The following SP140 variants were observed in gnomAD, a reference collection of about 807,000 sequenced individuals.
SP140 encodes nuclear body protein SP140.
Under a neutral mutation model 125.0 loss-of-function variants are expected in SP140, and 81 were observed. That is an observed-to-expected ratio of 0.65 (90% CI 0.54 to 0.78). SP140 has a LOEUF of 0.78. Among genes scored for constraint, SP140 ranks in the 30% least tolerant of loss-of-function variants. The pLI, the probability that SP140 is intolerant of heterozygous loss-of-function variation, is 0.00. For synonymous variants in SP140, 312 were observed against 354.0 expected, an observed-to-expected ratio of 0.88 and a Z score of 1.33; for missense variants, 858 against 1,037.0, an observed-to-expected ratio of 0.83 and a Z score of 2.37.
At chr2:230,290,083 G>A (rs1371942459) in intron 18 of SP140, among the ~76,000 whole-genome samples, 2 of 152,050 alleles carry the variant, frequency 1.3e-5, no homozygotes, top group African/African-American at 4.8e-5. Flanking sequence ...TATGATCTCT[G>A]GAGTCATCTA....
Position 230,225,898 on chromosome 2 carries a change from C to G in SP140, c.54C>G (p.Asn18Lys), listed in dbSNP as rs1170111605. The change falls in exon 1 of 27, where the codon AAC becomes AAG. Residue 18 changes from asparagine (N) to lysine (K), a missense_variant. Asn to Lys is a moderately conservative substitution (Grantham distance 94, BLOSUM62 0). Transcript: ENST00000392045. ...TGGCAAGTGGAGACAGCAATCTCAA[C>G]TTCAGGTGGGTCATCGTCTCCTTTC... ...GQMASGDSNL[N>K]FRMVAEIQNV... 6.2e-7 allele frequency: 1 copy of G among 1,613,652 alleles called. No homozygotes were observed. Among genetic ancestry groups the G allele is most frequent in the Admixed American group, 1.7e-5 (1 of 60,006 alleles).
rs553093186 is a variant in SP140, at chr2:230,238,493, G to A, written c.406+112G>A. On this transcript the variant is annotated intron_variant, in intron 3 of 26. Transcript: ENST00000392045. ...ATATTTGACTGAGTGACTATTACAT[G>A]CCAAGCCCAGGGGGAATATAATGAT... is the stretch of plus-strand genomic sequence containing the variant. The A allele has an allele frequency of 3.5e-5, 37 of 1,048,036 alleles. 1 individual carries two copies. The African/African-American group carries it at 5.3e-4, about 15-fold the overall frequency. 64.9% of individuals were successfully genotyped at this position (1,048,036 alleles called of 1,614,324 possible). A position where few individuals can be genotyped will look rare whatever the true frequency, so the allele number is the denominator to read the frequency against.
intron 11 of SP140, among the ~76,000 whole-genome samples, chr2:230,253,835 A>G (rs1575033342): frequency 6.6e-6 from 1 of 152,236 alleles, no homozygotes; most frequent in South Asian, 2.1e-4. Context: ...AATGCTTGCA[A>G]TTGAGAAAAG....
In SP140 at chr2:230,237,273, T is replaced by A; in HGVS notation, c.237+13T>A. 1 of 1,608,272 alleles carries A rather than the reference T, an allele frequency of 6.2e-7. No homozygotes were observed. The highest frequency in any genetic ancestry group is 1.1e-5 in the South Asian group (1 of 90,256). On this transcript the variant is annotated intron_variant, in intron 2 of 26. Coordinates refer to ENST00000392045, the MANE Select transcript of SP140 (RefSeq NM_007237.5). The surrounding 1 kb of genome is among the most constrained non-coding windows in gnomAD (Gnocchi z 5.4). Reference sequence around the variant, plus strand: ...GCAGATGTATGAAGTAAGTAAGAATTTCCAAATGATGATAAACCAGGTCCA... The same window carrying A: ...GCAGATGTATGAAGTAAGTAAGAATATCCAAATGATGATAAACCAGGTCCA...
Position 230,236,126 on chromosome 2 carries a change from C to T in SP140, c.60-957C>T, listed in dbSNP as rs189556738. On this transcript the variant is annotated intron_variant, in intron 1 of 26. Coordinates refer to ENST00000392045, the MANE Select transcript of SP140 (RefSeq NM_007237.5). ...TCCTGACCTTGTGATCCGCCTGTCT[C>T]GGCCTCCCAAAGTGCTGGGATTACA... 3.6e-3 allele frequency among the ~76,000 whole-genome samples: 543 copies of T among 152,254 alleles called. 8 individuals are homozygous for T. The highest frequency in any genetic ancestry group is 0.031 in the Admixed American group (477 of 15,298).
At chr2:230,292,019 T>C (rs953804519) in intron 19 of SP140, among the ~76,000 whole-genome samples, 13 of 152,252 alleles carry the variant, frequency 8.5e-5, no homozygotes, top group Non-Finnish European at 1.5e-4. Flanking sequence ...TAATGGCTAA[T>C]GGTGTTGAGC....
chr2:230,202,610 T>C (rs2043296632), upstream of SP140: 1 of 1,614,212 alleles, frequency 6.2e-7, no homozygotes, highest in African/African-American at 1.3e-5. Context: ...CACATTCAGT[T>C]CTCGCCTTTT....
At chr2:230,238,907 G>A (rs1174420875) in intron 3 of SP140, 1 of 1,550,292 alleles carries the variant, frequency 6.5e-7, no homozygotes, top group Non-Finnish European at 8.7e-7. Flanking sequence ...GTTGGTGGGG[G>A]CCTTTCCGAA....
In SP140 at chr2:230,292,785, G is replaced by C; in HGVS notation, c.1965G>C (p.Met655Ile). The C allele has an allele frequency of 6.2e-7, 1 of 1,614,046 alleles. No individual in the cohort carries two copies. The highest frequency in any genetic ancestry group is 8.5e-7 in the Non-Finnish European group (1 of 1,180,002). ...GCGGGTGGCCCCTACGATGGCTGAT[G>C]GAGGTATTCCAATGACAAGGGGCCA... The part of the protein sequence containing the change: ...RCGGWPLRWL[M>I]ENGFLPDPPR... Residue 655 changes from methionine to isoleucine, a missense_variant, in exon 20 of 27, where the codon ATG (methionine) becomes ATC (isoleucine). Physicochemically the swap from Met to Ile is conservative, Grantham distance 10. This residue lies in a region of SP140 where 791 missense variants were observed against 869.5 expected (regional missense o/e 0.91). Transcript: ENST00000392045.
At chr2:230,302,921 G>A (rs2058423966) in intron 22 of SP140, among the ~76,000 whole-genome samples, 1 of 152,116 alleles carries the variant, frequency 6.6e-6, no homozygotes, top group South Asian at 2.1e-4. Flanking sequence ...ATGCTAAGAG[G>A]AAAATTCATA....
intron 3 of SP140, among the ~76,000 whole-genome samples, chr2:230,240,413 A>G (rs2048560857): frequency 6.6e-6 from 1 of 152,240 alleles, no homozygotes. Context: ...TGCAATACAC[A>G]TATCTAACAA....
rs1249636077 is a variant in SP140 at position 230,237,514 on chromosome 2, G to A, written c.237+254G>A. 2.8e-6 allele frequency: 1 copy of A among 361,750 alleles called. No homozygotes were observed. The allele number at this position is 361,750 out of a possible 1,614,324, so 22.4% of individuals were successfully genotyped here. On this transcript the variant is annotated intron_variant, in intron 2 of 26. Coordinates refer to ENST00000392045, the MANE Select transcript of SP140 (RefSeq NM_007237.5). This position sits in a 1 kb window ranked among gnomAD's most constrained non-coding sequence, Gnocchi z 5.4. Reference sequence around the variant, plus strand: ...GCTGTATGGGTGCAGATCATCCTAGGTACTTGTAAACAATCTACTAATGGT... The same window carrying A: ...GCTGTATGGGTGCAGATCATCCTAGATACTTGTAAACAATCTACTAATGGT...
At chr2:230,265,726 G>A (rs2052997104) in intron 12 of SP140, among the ~76,000 whole-genome samples, 1 of 151,990 alleles carries the variant, frequency 6.6e-6, no homozygotes, top group East Asian at 1.9e-4. Context: ...TCCAGTGGGG[G>A]TGTGTGTTCG....
chr2:230,312,501 C>A, intron 26 of SP140, 85 bp from the exon 27 acceptor site: 1 of 861,998 alleles, frequency 1.2e-6, no homozygotes. Context: ...TTTTTAAAGA[C>A]AAGAGTCCTG....
Position 230,211,683 on chromosome 2 carries a change from TG to T in SP140, c.-322-1969del. 1.4e-6 allele frequency: 1 copy of T among 692,494 alleles called. No homozygotes were observed. The highest frequency in any genetic ancestry group is 2.7e-5 in the East Asian group (1 of 37,596). 42.9% of individuals were successfully genotyped at this position (692,494 alleles called of 1,614,324 possible). A position where few individuals can be genotyped will look rare whatever the true frequency, so the allele number is the denominator to read the frequency against. ...ACAGCAACCAAGGCCTGGGAAAGGA[TG>T]GCATAGAGTGGGAAAGTAAGCAACC... is the stretch of plus-strand genomic sequence containing the variant. On this transcript the variant is annotated intron_variant, in intron 1 of 4. Transcript: ENST00000456542. This position sits in a 1 kb window ranked among gnomAD's most constrained non-coding sequence, Gnocchi z 4.2.
At chr2:230,261,530 C>T (rs1248231809) in intron 12 of SP140, among the ~76,000 whole-genome samples, 1 of 152,058 alleles carries the variant, frequency 6.6e-6, no homozygotes, top group Non-Finnish European at 1.5e-5. Context: ...TGTCTTGTTT[C>T]AGTTCTCAGA....
At chr2:230,224,408 T>G (rs2046074783), upstream of SP140, among the ~76,000 whole-genome samples, 1 of 145,150 alleles carries the variant, frequency 6.9e-6, no homozygotes, top group African/African-American at 2.7e-5. Context: ...CCCAGCATAC[T>G]TTTCCTTCTT....
At chr2:230,281,396 G>C (rs1014617793) in intron 15 of SP140, among the ~76,000 whole-genome samples, 1 of 152,160 alleles carries the variant, frequency 6.6e-6, no homozygotes, top group Non-Finnish European at 1.5e-5. Flanking sequence ...AGAGTTCAAT[G>C]TATGTTTAGA....
chr2:230,269,323 A>G (rs902339378), intron 12 of SP140, among the ~76,000 whole-genome samples: 1 of 152,118 alleles, frequency 6.6e-6, no homozygotes, highest in Non-Finnish European at 1.5e-5. Flanking sequence ...TACAAAAATA[A>G]AAGTAGAGAA....
Sources: gnomAD v4.1 joint callset for allele counts (sites outside exome capture counted in the v4.1 genomes callset) on GRCh38, gnomAD v4.1.1 for gene constraint, gnomAD v4.1.1 regional missense constraint, Gnocchi (gnomAD v3.1) non-coding constraint, MANE v1.5 for transcripts, NCBI Gene and HGNC (gene_info 2026-07-23, HGNC 2026-07-21) for gene names.